The following CDH7 variants were observed in gnomAD, a reference collection of about 807,000 sequenced individuals.
The protein encoded by CDH7 is cadherin 7.
CDH7 carries 25 observed loss-of-function variants against 71.8 expected under a neutral mutation model. The observed-to-expected ratio is 0.35, with a 90% CI of 0.25 to 0.49. The LOEUF (loss-of-function observed/expected upper bound fraction) is 0.49, where lower values mean the gene tolerates loss of function less well. Among genes scored for constraint, CDH7 ranks in the 20% least tolerant of loss-of-function variants. CDH7 has a pLI of 0.99. For missense variants in CDH7, 862 were observed against 974.6 expected (o/e 0.88, Z 1.54); for synonymous variants, 381 against 363.8 (o/e 1.05, Z -0.54).
chr18:65,874,610 T>G (rs1168511941), intron 11 of CDH7, among the ~76,000 whole-genome samples: 2 of 152,184 alleles, frequency 1.3e-5, no homozygotes, highest in Non-Finnish European at 2.9e-5. Context: ...AAGTCCAGAC[T>G]TCACCACTGC....
chr18:65,751,564 G>C (rs960498797), intron 1 of CDH7, among the ~76,000 whole-genome samples: 1 of 152,178 alleles, frequency 6.6e-6, no homozygotes, highest in Non-Finnish European at 1.5e-5. Context: ...GTGCCGCCGG[G>C]TTCTGCAGAG....
chr18:65,814,262 T>A (rs1911643260), intron 3 of CDH7, among the ~76,000 whole-genome samples: 2 of 151,944 alleles, frequency 1.3e-5, no homozygotes, highest in Non-Finnish European at 2.9e-5. Flanking sequence ...TTTGCCAGAA[T>A]ATTTTCTTAT....
chr18:65,868,394 A>G (rs1185399265), intron 11 of CDH7, among the ~76,000 whole-genome samples: 1 of 152,250 alleles, frequency 6.6e-6, no homozygotes, highest in Non-Finnish European at 1.5e-5. Flanking sequence ...ACAAAAAGTT[A>G]CAGAATGAAC....
intron 1 of CDH7, among the ~76,000 whole-genome samples, chr18:65,753,066 C>G (rs1204998232): frequency 6.6e-6 from 1 of 152,200 alleles, no homozygotes; most frequent in East Asian, 1.9e-4. Flanking sequence ...TGAATTGACT[C>G]TAGTGTTTAG....
intron 2 of CDH7, among the ~76,000 whole-genome samples, chr18:65,797,984 A>G (rs1049906318): frequency 2.6e-5 from 4 of 152,136 alleles, no homozygotes; most frequent in Admixed American, 2.0e-4. Flanking sequence ...GGATATTCTG[A>G]CTGAATTATT....
rs1317202828 is a variant in CDH7 at position 65,824,794 on chromosome 18, A to G, written c.944A>G (p.Asp315Gly). 3 of 1,612,166 alleles carry G rather than the reference A, an allele frequency of 1.9e-6. No homozygotes were observed. Among genetic ancestry groups the G allele is most frequent in the Non-Finnish European group, 2.5e-6 (3 of 1,178,612 alleles). The change falls in exon 6 of 12, where the codon GAC becomes GGC. Residue 315 changes from aspartate to glycine, a missense_variant. By Grantham distance (94) the Asp-to-Gly change is moderately conservative. Transcript: ENST00000397968. ...DGLGIFKISV[D>G]KETQEGIITI... ...TTGGGCATTTTTAAGATTTCTGTTGACAAAGAAACCCAGGAAGGAATCATT... is the reference window on the plus strand; with the variant it reads ...TTGGGCATTTTTAAGATTTCTGTTGGCAAAGAAACCCAGGAAGGAATCATT...
At chr18:65,805,399 A>T (rs1205281855) in intron 2 of CDH7, among the ~76,000 whole-genome samples, 1 of 152,268 alleles carries the variant, frequency 6.6e-6, no homozygotes, top group African/African-American at 2.4e-5. Flanking sequence ...GAGATGTGGG[A>T]AAACGAGGCC....
chr18:65,781,784 T>TTTCTTTCTTTCTTTCTTTCTA (rs1568181328), intron 2 of CDH7, among the ~76,000 whole-genome samples: 2 of 64,082 alleles, frequency 3.1e-5, no homozygotes, highest in Admixed American at 1.4e-4. Flanking sequence ...CCTTCCTTCC[T>TTTCTTTCTTTCTTTCTTTCTA]TCCTTCCTTC....
At chr18:65,765,721 A>C (rs560848744) in intron 2 of CDH7, among the ~76,000 whole-genome samples, 23 of 152,178 alleles carry the variant, frequency 1.5e-4, no homozygotes, top group African/African-American at 5.5e-4. Flanking sequence ...ACTTTGATAC[A>C]TTTTGTACCT....
intron 2 of CDH7, among the ~76,000 whole-genome samples, chr18:65,763,351 C>CATTACCAAA (rs1916259761): frequency 6.6e-6 from 1 of 152,060 alleles, no homozygotes; most frequent in Non-Finnish European, 1.5e-5. Context: ...GATAAACTGT[C>CATTACCAAA]GTTACCAAAG....
At chr18:65,867,835 T>G (rs1913810859) in intron 11 of CDH7, among the ~76,000 whole-genome samples, 1 of 152,164 alleles carries the variant, frequency 6.6e-6, no homozygotes, top group Non-Finnish European at 1.5e-5. Context: ...TTTAATAAGG[T>G]GTTTGTAGAA....
chr18:65,864,448 T>C lies in CDH7; in HGVS notation c.1864+1531T>C, dbSNP rs148292569. On this transcript the variant is annotated intron_variant, in intron 11 of 11. Coordinates refer to ENST00000397968, the MANE Select transcript of CDH7 (RefSeq NM_004361.5). ...CACCAGATATTGTTAGTCTATTTTA[T>C]GTGTGGCCTAAGACAAGTATTCTTC... 4.0e-3 allele frequency among the ~76,000 whole-genome samples: 613 copies of C among 151,830 alleles called. 4 individuals carry two copies. The highest frequency in any genetic ancestry group is 0.013 in the African/African-American group (551 of 41,482).
At chr18:65,865,157 A>C (rs1913714527) in intron 11 of CDH7, 1 of 152,110 alleles carries the variant, frequency 6.6e-6, no homozygotes, top group South Asian at 2.1e-4. Flanking sequence ...AACACTTTCA[A>C]CTTTGACTTT....
chr18:65,758,493 G>T (rs1045295831), intron 1 of CDH7, among the ~76,000 whole-genome samples: 2 of 152,154 alleles, frequency 1.3e-5, no homozygotes, highest in African/African-American at 4.8e-5. Context: ...CCTCACTTCA[G>T]ATCACAATGG....
At chr18:65,830,837 C>G (rs1454589306) in intron 6 of CDH7, among the ~76,000 whole-genome samples, 1 of 150,806 alleles carries the variant, frequency 6.6e-6, no homozygotes, top group Admixed American at 6.6e-5. Flanking sequence ...CATGATAGCT[C>G]TTGGCTGTTT....
intron 11 of CDH7, among the ~76,000 whole-genome samples, chr18:65,875,432 G>A (rs191671976): frequency 3.9e-5 from 6 of 152,292 alleles, no homozygotes; most frequent in Admixed American, 6.5e-5. Flanking sequence ...ATGGACATCT[G>A]CCAAAGATCA....
chr18:65,868,913 G>T (rs1374548731), intron 11 of CDH7, among the ~76,000 whole-genome samples: 1 of 152,118 alleles, frequency 6.6e-6, no homozygotes, highest in African/African-American at 2.4e-5. Flanking sequence ...GACTTGGAAA[G>T]AATTAGCCCC....
chr18:65,832,187 GT>G (rs2143962185), intron 6 of CDH7, among the ~76,000 whole-genome samples: 1 of 141,110 alleles, frequency 7.1e-6, no homozygotes, highest in African/African-American at 2.5e-5. Context: ...TAAAACTTTG[GT>G]CCATATCCTT....
At chr18:65,857,719 G>A in intron 7 of CDH7, 97 bp from the exon 8 acceptor site, 1 of 1,181,582 alleles carries the variant, frequency 8.5e-7, no homozygotes, top group Non-Finnish European at 1.2e-6. Context: ...GAGTCAGTAG[G>A]ATTTAGTAAT....
Sources: allele counts gnomAD v4.1 joint callset (sites outside exome capture counted in the v4.1 genomes callset), GRCh38; gene constraint gnomAD v4.1.1; transcripts MANE v1.5; gene names NCBI Gene and HGNC (gene_info 2026-07-23, HGNC 2026-07-21).